The following LOC400499 variants were observed in gnomAD, a reference collection of about 807,000 sequenced individuals.
the LOC400499 span, among the ~76,000 whole-genome samples, chr16:11,495,420 A>T: frequency 5.1e-4 from 76 of 149,732 alleles, no homozygotes; most frequent in African/African-American, 1.7e-3. Context: ...TTGCTCTCTC[A>T]TTCATCCTGG....
the LOC400499 span, among the ~76,000 whole-genome samples, chr16:11,377,947 T>A: frequency 0.46 from 70,270 of 152,106 alleles, 16,811 homozygotes; most frequent in Non-Finnish European, 0.54. Context: ...GTTTTTGGTC[T>A]CTGATTCAAT....
the LOC400499 span, among the ~76,000 whole-genome samples, chr16:11,375,543 C>T: frequency 6.7e-6 from 1 of 148,990 alleles, no homozygotes; most frequent in Admixed American, 6.6e-5. Flanking sequence ...GAACTCCTGA[C>T]CTCAAGTGAT....
chr16:11,475,819 C>T, the LOC400499 span: 1 of 391,590 alleles, frequency 2.6e-6, no homozygotes, highest in Admixed American at 4.5e-5. Flanking sequence ...AAATTCTACC[C>T]TGAGCGGGGC....
the LOC400499 span, among the ~76,000 whole-genome samples, chr16:11,524,657 G>C: frequency 6.6e-6 from 1 of 152,118 alleles, no homozygotes; most frequent in Non-Finnish European, 1.5e-5. Context: ...CAGATGTGGT[G>C]AGGTGGCCCC....
chr16:11,388,512 C>T, the LOC400499 span, among the ~76,000 whole-genome samples: 1 of 152,206 alleles, frequency 6.6e-6, no homozygotes, highest in African/African-American at 2.4e-5. Context: ...AGCTGCCTCC[C>T]TGCTTGGAGC....
the LOC400499 span, chr16:11,518,852 T>TCCAGCCCCATCGTGAGCAGGTC: frequency 2.5e-6 from 1 of 399,086 alleles, no homozygotes. Flanking sequence ...GGCTCACAGC[T>TCCAGCCCCATCGTGAGCAGGTC]CCAGCCCCAT....
At chr16:11,436,593 T>C in the LOC400499 span, among the ~76,000 whole-genome samples, 9 of 151,930 alleles carry the variant, frequency 5.9e-5, no homozygotes, top group African/African-American at 1.7e-4. Flanking sequence ...TTTTTTTTTT[T>C]CTTTTCTGTT....
the LOC400499 span, chr16:11,461,147 G>A: frequency 6.6e-7 from 1 of 1,522,270 alleles, no homozygotes; most frequent in African/African-American, 1.4e-5. Flanking sequence ...AGGCAGATGA[G>A]AGGGTCAGCC....
chr16:11,455,936 A>G, the LOC400499 span, among the ~76,000 whole-genome samples: 1 of 152,028 alleles, frequency 6.6e-6, no homozygotes, highest in African/African-American at 2.4e-5. Context: ...CCCCCATGGG[A>G]CCCAGCTTCG....
At chr16:11,490,494 T>C in the LOC400499 span, among the ~76,000 whole-genome samples, 41,313 of 150,978 alleles carry the variant, frequency 0.27, 5,947 homozygotes, top group Admixed American at 0.41. Flanking sequence ...GGTCAGGAGA[T>C]TGAGACAATC....
At chr16:11,408,190 C>G in the LOC400499 span, among the ~76,000 whole-genome samples, 7 of 152,034 alleles carry the variant, frequency 4.6e-5, no homozygotes, top group Admixed American at 4.6e-4. Flanking sequence ...GCCATGTTGG[C>G]CAGGCCAGTC....
At chr16:11,508,331 G>C in the LOC400499 span, among the ~76,000 whole-genome samples, 2 of 152,226 alleles carry the variant, frequency 1.3e-5, no homozygotes, top group African/African-American at 4.8e-5. Flanking sequence ...GAAACAGCCA[G>C]GAGTTTCGGA....
chr16:11,462,085 G>A, the LOC400499 span: 9 of 1,450,948 alleles, frequency 6.2e-6, no homozygotes, highest in Admixed American at 2.5e-5. Context: ...TGGCCACAGA[G>A]CAGAGGGGAC....
At chr16:11,446,461 A>G in the LOC400499 span, 3 of 1,242,748 alleles carry the variant, frequency 2.4e-6, no homozygotes, top group East Asian at 2.6e-5. Context: ...CTCAGTCCAG[A>G]TAACATGTTT....
At chr16:11,455,654 G>T in the LOC400499 span, among the ~76,000 whole-genome samples, 1 of 150,870 alleles carries the variant, frequency 6.6e-6, no homozygotes, top group Non-Finnish European at 1.5e-5. Flanking sequence ...AGAAGAGCTT[G>T]AGTCTTGGAT....
At chr16:11,383,964 C>T in the LOC400499 span, 9 of 1,231,866 alleles carry the variant, frequency 7.3e-6, no homozygotes, top group Non-Finnish European at 8.1e-6. Flanking sequence ...CCGGGCAGGC[C>T]TGCTCCTGCT....
the LOC400499 span, chr16:11,414,424 C>T: frequency 2.4e-3 from 941 of 399,802 alleles, 9 homozygotes; most frequent in African/African-American, 0.017. Context: ...TGGGCCACGT[C>T]GTGGCCGAGC....
chr16:11,389,110 A>T, the LOC400499 span, among the ~76,000 whole-genome samples: 1 of 152,110 alleles, frequency 6.6e-6, no homozygotes, highest in African/African-American at 2.4e-5. Context: ...GGCCAGGCAC[A>T]TCCCTCTCCC....
the LOC400499 span, among the ~76,000 whole-genome samples, chr16:11,411,998 G>T: frequency 6.6e-6 from 1 of 152,052 alleles, no homozygotes; most frequent in Admixed American, 6.6e-5. Flanking sequence ...GAGCAGCTGG[G>T]ACTACAAGCA....
Sources: gnomAD v4.1 joint callset for allele counts (sites outside exome capture counted in the v4.1 genomes callset) on GRCh38, gnomAD v4.1.1 for gene constraint, MANE v1.5 for transcripts.